DDX4: variants seen among roughly 807,000 people sequenced by gnomAD.
DDX4 encodes probable ATP-dependent RNA helicase DDX4.
DDX4 carries 25 observed loss-of-function variants against 100.0 expected under a neutral mutation model. The observed-to-expected ratio is 0.25, with a 90% CI of 0.18 to 0.35. The LOEUF (loss-of-function observed/expected upper bound fraction) is 0.35. Among genes scored for constraint, DDX4 ranks in the 10% least tolerant of loss-of-function variants. The pLI is 1.00. For missense variants in DDX4, 635 were observed against 882.4 expected (o/e 0.72, Z 3.55); for synonymous variants, 259 against 275.7 (o/e 0.94, Z 0.60).
chr5:55,816,551 T>C lies in DDX4; in HGVS notation c.*11T>C, dbSNP rs1432796401. On this transcript the variant is annotated 3_prime_UTR_variant, in exon 22 of 22. Coordinates refer to ENST00000505374, the MANE Select transcript of DDX4 (RefSeq NM_024415.3). ...GAGTCATGGGATTAAAGCCAAAACA[T>C]CCTTCAAGTCTGTGGTTTTGATGCA... 3.7e-6 allele frequency: 6 copies of C among 1,610,432 alleles called. No individual in the cohort carries two copies. Among genetic ancestry groups the C allele is most frequent in the Non-Finnish European group, 4.2e-6 (5 of 1,178,658 alleles).
chr5:55,761,758 C>T (rs761595542), intron 4 of DDX4, among the ~76,000 whole-genome samples: 25 of 152,082 alleles, frequency 1.6e-4, no homozygotes, highest in Admixed American at 4.6e-4. Flanking sequence ...CAGGTGTGCG[C>T]CACCACGCCC....
In DDX4 at chr5:55,741,548, G is replaced by T. The variant is rs548008520; in HGVS notation, c.69+2516G>T. On this transcript the variant is annotated intron_variant, in intron 2 of 21. Transcript: ENST00000505374. ...CATGCCTGTAATCCCAGCACTTTGG[G>T]AGGCTGAGACAGCCAGATCACTTGA... Among the ~76,000 whole-genome samples the T allele has an allele frequency of 2.0e-5, 3 of 152,296 alleles. No homozygotes were observed. The East Asian group carries it at 5.8e-4, about 29-fold the overall frequency.
chr5:55,781,834 C>T (rs1580565416), intron 9 of DDX4, 100 bp from the exon 10 acceptor site: 2 of 1,318,392 alleles, frequency 1.5e-6, no homozygotes, highest in East Asian at 4.9e-5. Context: ...GACCAGGATT[C>T]CTAAGTAATA....
intron 10 of DDX4, among the ~76,000 whole-genome samples, chr5:55,783,191 A>G (rs755980672): frequency 2.2e-4 from 33 of 152,154 alleles, no homozygotes; most frequent in Non-Finnish European, 4.1e-4. Flanking sequence ...TATTTGGAAG[A>G]TTCTCAGTAA....
Position 55,781,050 on chromosome 5 carries a change from C to CT in DDX4, c.497-13dup. 1 of 1,588,544 alleles carries CT rather than the reference C, an allele frequency of 6.3e-7. No individual in the cohort carries two copies. Among genetic ancestry groups the CT allele is most frequent in the East Asian group, 2.2e-5 (1 of 44,514 alleles). Reference sequence around the variant, plus strand: ...TTCAAAGTAATGTAATCTAATTTTACTTTCTGCAAATCAAGATAATGACTT... The same window carrying CT: ...TTCAAAGTAATGTAATCTAATTTTACTTTTCTGCAAATCAAGATAATGACTT... On this transcript the variant is annotated splice_polypyrimidine_tract_variant and intron_variant, in intron 8 of 21. Coordinates refer to ENST00000505374, the MANE Select transcript of DDX4 (RefSeq NM_024415.3).
chr5:55,791,410 A>G (rs949474877), intron 16 of DDX4, among the ~76,000 whole-genome samples: 1 of 152,156 alleles, frequency 6.6e-6, no homozygotes, highest in East Asian at 1.9e-4. Context: ...GGACCCAGAG[A>G]TATCTACCTT....
intron 8 of DDX4, 82 bp from the exon 9 acceptor site, chr5:55,780,984 A>G (rs1363820447): frequency 5.6e-6 from 7 of 1,260,014 alleles, no homozygotes; most frequent in Admixed American, 2.4e-5. Flanking sequence ...CTGATACCAT[A>G]ACTTGATTTT....
intron 10 of DDX4, among the ~76,000 whole-genome samples, chr5:55,782,487 A>G (rs1199578201): frequency 6.6e-6 from 1 of 151,752 alleles, no homozygotes; most frequent in Non-Finnish European, 1.5e-5. Context: ...AGTGCCAGCT[A>G]CTCAGGAGGC....
At chr5:55,756,685 G>T (rs1759956535) in intron 3 of DDX4, among the ~76,000 whole-genome samples, 1 of 151,958 alleles carries the variant, frequency 6.6e-6, no homozygotes, top group South Asian at 2.1e-4. Context: ...TTTGGATTTG[G>T]TCCAAGTGTA....
intron 7 of DDX4, among the ~76,000 whole-genome samples, chr5:55,770,832 A>G (rs541572552): frequency 1.1e-4 from 16 of 152,198 alleles, no homozygotes; most frequent in Non-Finnish European, 2.1e-4. Context: ...TTAACAAGCA[A>G]TTTTTGGCAC....
chr5:55,801,551 GCTTA>G (rs1226133063), intron 18 of DDX4, among the ~76,000 whole-genome samples: 7 of 151,966 alleles, frequency 4.6e-5, no homozygotes, highest in African/African-American at 1.7e-4. Flanking sequence ...AATCTTTTTT[GCTTA>G]CTTCAAATTC....
chr5:55,769,987 C>T (rs929935246), intron 7 of DDX4, among the ~76,000 whole-genome samples: 12 of 152,008 alleles, frequency 7.9e-5, no homozygotes, highest in South Asian at 2.1e-4. Context: ...GTGCCTTTAC[C>T]CTCTCTAGTA....
chr5:55,802,467 T>G (rs912235461), intron 18 of DDX4, among the ~76,000 whole-genome samples: 1 of 152,210 alleles, frequency 6.6e-6, no homozygotes, highest in Non-Finnish European at 1.5e-5. Context: ...CATAAGCTCA[T>G]TCAGTCCTTA....
intron 15 of DDX4, among the ~76,000 whole-genome samples, chr5:55,789,285 A>G (rs1742414661): frequency 6.6e-6 from 1 of 152,166 alleles, no homozygotes; most frequent in Admixed American, 6.5e-5. Context: ...ATAAACATTT[A>G]CTGTCTCACC....
At chr5:55,806,603 A>G (rs1460496694) in intron 18 of DDX4, among the ~76,000 whole-genome samples, 2 of 152,208 alleles carry the variant, frequency 1.3e-5, no homozygotes, top group Non-Finnish European at 2.9e-5. Context: ...ATTCAGGAGC[A>G]GGTTGTTCAG....
At chr5:55,780,638 G>A (rs1741853203) in intron 8 of DDX4, among the ~76,000 whole-genome samples, 1 of 152,182 alleles carries the variant, frequency 6.6e-6, no homozygotes. Context: ...TGCAGGACTG[G>A]TAAGGTTTGA....
chr5:55,802,999 G>A (rs1413680526), intron 18 of DDX4, among the ~76,000 whole-genome samples: 4 of 151,656 alleles, frequency 2.6e-5, no homozygotes, highest in Non-Finnish European at 4.4e-5. Context: ...TGCACAACAT[G>A]CAGGTTTGTT....
intron 17 of DDX4, among the ~76,000 whole-genome samples, chr5:55,796,334 C>A (rs761591470): frequency 6.6e-6 from 1 of 152,196 alleles, no homozygotes; most frequent in Non-Finnish European, 1.5e-5. Flanking sequence ...CAAATATTAA[C>A]CATTACGGTA....
chr5:55,752,966 G>A (rs13185664), intron 3 of DDX4, among the ~76,000 whole-genome samples: 4 of 151,574 alleles, frequency 2.6e-5, no homozygotes, highest in African/African-American at 4.9e-5. Context: ...GTGGTTTTTG[G>A]CTGCATAAAT....
Sources: gnomAD v4.1 joint callset for allele counts (sites outside exome capture counted in the v4.1 genomes callset) on GRCh38, gnomAD v4.1.1 for gene constraint, MANE v1.5 for transcripts, NCBI Gene and HGNC (gene_info 2026-07-23, HGNC 2026-07-21) for gene names.